TUT4: variants seen among roughly 807,000 people sequenced by gnomAD.
TUT4 encodes terminal uridylyltransferase 4.
Under a neutral mutation model 192.2 loss-of-function variants are expected in TUT4, and 36 were observed. The ratio of observed to expected loss-of-function variants is 0.19; its 90% CI spans 0.14 to 0.25. The LOEUF (loss-of-function observed/expected upper bound fraction) is 0.25. Among genes scored for constraint, TUT4 ranks in the 10% least tolerant of loss-of-function variants. TUT4 has a pLI of 1.00. For synonymous variants in TUT4, 618 were observed against 666.0 expected (o/e 0.93, Z 1.11); for missense variants, 1,493 against 1,957.2 (o/e 0.76, Z 4.47).
intron 1 of TUT4, among the ~76,000 whole-genome samples, chr1:52,527,987 G>C (rs139261024): frequency 0.033 from 5,026 of 151,894 alleles, 280 homozygotes; most frequent in African/African-American, 0.12. Context: ...GACCAGCCTG[G>C]CCAACATGGT....
At chr1:52,462,752 A>C in intron 16 of TUT4, 4 of 985,102 alleles carry the variant, frequency 4.1e-6, no homozygotes, top group Non-Finnish European at 4.8e-6. Context: ...TATTTCTCCA[A>C]GGAAATTCTT....
At chr1:52,547,519 T>C (rs1688384379) in intron 1 of TUT4, among the ~76,000 whole-genome samples, 1 of 152,080 alleles carries the variant, frequency 6.6e-6, no homozygotes, top group African/African-American at 2.4e-5. Flanking sequence ...GCAATTACAA[T>C]CTGGGTATAT....
rs1195840353 is a variant in TUT4, at chr1:52,431,245, C to A, written c.4479G>T (p.Leu1493Phe). 1.2e-6 allele frequency: 2 copies of A among 1,614,144 alleles called. No individual in the cohort carries two copies. Among genetic ancestry groups the A allele is most frequent in the Non-Finnish European group, 1.7e-6 (2 of 1,180,034 alleles). The change falls in exon 28 of 30, where the codon TTG becomes TTT. Residue 1493 changes from leucine (L) to phenylalanine (F), a missense_variant. Physicochemically the swap from Leu to Phe is conservative, Grantham distance 22. Coordinates refer to ENST00000257177, the MANE Select transcript of TUT4 (RefSeq NM_001009881.3). The stretch of plus-strand genomic sequence containing the variant: ...GGATCTGGAGAGGGTGCATTGGCAA[C>A]AATCCCATATTGTGCATGGGAGAAT... ...AQYSPMHNMG[L>F]LPMHPLQIPA... is the part of the protein sequence containing the mutation.
In TUT4 at chr1:52,481,431, G is replaced by A. The variant is rs1668458988; in HGVS notation, c.1840C>T (p.His614Tyr). 1.2e-6 allele frequency: 2 copies of A among 1,613,706 alleles called. No individual in the cohort carries two copies. Among genetic ancestry groups the A allele is most frequent in the South Asian group, 1.1e-5 (1 of 91,050 alleles). ...DNQSNAMKEK[H>Y]GKSPLALETP... ...AAAACAAAAAGGCTTACTTTGCCATGTTTTTCCTTCATGGCATTACTTTGG... is the reference window on the plus strand; with the variant it reads ...AAAACAAAAAGGCTTACTTTGCCATATTTTTCCTTCATGGCATTACTTTGG... Residue 614 changes from histidine to tyrosine, a missense_variant, in exon 11 of 30, where the codon CAT (histidine) becomes TAT (tyrosine). His to Tyr is a moderately conservative substitution (Grantham distance 83, BLOSUM62 2). Coordinates refer to ENST00000257177, the MANE Select transcript of TUT4 (RefSeq NM_001009881.3).
chr1:52,458,503 G>A, intron 19 of TUT4, 54 bp from the exon 20 acceptor site: 2 of 1,351,626 alleles, frequency 1.5e-6, no homozygotes, highest in South Asian at 1.2e-5. Flanking sequence ...CCATGCAGAA[G>A]TATATTAAAC....
At chr1:52,510,649 T>A (rs1676903328) in intron 3 of TUT4, among the ~76,000 whole-genome samples, 1 of 152,224 alleles carries the variant, frequency 6.6e-6, no homozygotes, top group Non-Finnish European at 1.5e-5. Context: ...CTCAAAATAC[T>A]AATAAAACTT....
chr1:52,511,247 T>C (rs1227179424), intron 3 of TUT4, among the ~76,000 whole-genome samples: 1 of 152,216 alleles, frequency 6.6e-6, no homozygotes, highest in Non-Finnish European at 1.5e-5. Flanking sequence ...ATAAGAAAAG[T>C]TGGCTCAATC....
chr1:52,497,139 G>A lies in TUT4; in HGVS notation c.1044C>T (p.Ser348=). Residue 348 remains serine (S), a synonymous_variant, in exon 5 of 30, where the codon TCC becomes TCT. Transcript: ENST00000257177. ...ESELRSLPPP[S]PAHLAALSVA... is the part of the protein sequence containing the mutation. Reference sequence around the variant, plus strand: ...CACTTAAAGCAGCCAAGTGGGCAGGGGAAGGAGGTGGCAGAGAACGAAGCT... The same window carrying A: ...CACTTAAAGCAGCCAAGTGGGCAGGAGAAGGAGGTGGCAGAGAACGAAGCT... 3 of 1,612,880 alleles carry A rather than the reference G, an allele frequency of 1.9e-6. No homozygotes were observed. The highest frequency in any genetic ancestry group is 2.2e-5 in the South Asian group (2 of 90,738).
chr1:52,528,657 T>G (rs1682515744), intron 1 of TUT4, among the ~76,000 whole-genome samples: 1 of 152,130 alleles, frequency 6.6e-6, no homozygotes, highest in African/African-American at 2.4e-5. Context: ...AATTAAAATG[T>G]ACCATCTTTG....
chr1:52,542,769 A>AT (rs763735144), intron 1 of TUT4, among the ~76,000 whole-genome samples: 66 of 148,844 alleles, frequency 4.4e-4, no homozygotes, highest in East Asian at 2.0e-3. Flanking sequence ...TTATTTATTT[A>AT]TTTTTTTTTG....
chr1:52,532,338 T>C (rs1683701130), intron 1 of TUT4, among the ~76,000 whole-genome samples: 1 of 152,016 alleles, frequency 6.6e-6, no homozygotes, highest in Non-Finnish European at 1.5e-5. Flanking sequence ...TTTAGCTTTT[T>C]TTTTTTATAC....
chr1:52,426,924 TTAATA>T (rs1206029276), intron 28 of TUT4, among the ~76,000 whole-genome samples: 2 of 152,146 alleles, frequency 1.3e-5, no homozygotes, highest in African/African-American at 4.8e-5. Context: ...GATTATTATT[TTAATA>T]TATTTCCATT....
At chr1:52,523,467 T>C (rs528937938) in intron 2 of TUT4, among the ~76,000 whole-genome samples, 255 of 152,170 alleles carry the variant, frequency 1.7e-3, no homozygotes, top group Non-Finnish European at 2.6e-3. Context: ...TAGCCAGGCA[T>C]GGTGGCGCAC....
chr1:52,477,947 T>C, intron 11 of TUT4, 65 bp from the exon 12 acceptor site: 10 of 1,421,624 alleles, frequency 7.0e-6, no homozygotes, highest in Non-Finnish European at 9.4e-6. Flanking sequence ...AAATTTTCAG[T>C]TAGAGAAGAC....
chr1:52,471,891 A>T, intron 14 of TUT4, 61 bp downstream of exon 14: 1 of 1,498,988 alleles, frequency 6.7e-7, no homozygotes, highest in Non-Finnish European at 9.0e-7. Context: ...AAATCAGAAA[A>T]TTAATATTTA....
At position 52,425,371 on chromosome 1, in the gene TUT4, G is replaced by A. The variant is rs1557608780; in HGVS notation, c.4848C>T (p.Pro1616=). 2 of 1,613,746 alleles carry A rather than the reference G, an allele frequency of 1.2e-6. No individual in the cohort carries two copies. Among genetic ancestry groups the A allele is most frequent in the East Asian group, 2.2e-5 (1 of 44,862 alleles). Residue 1616 remains proline (P), a synonymous_variant, in exon 29 of 30, where the codon CCC becomes CCT. Transcript: ENST00000257177. ...TACCTTGAGTATAGAAAGGTTTGTTGGGCTGGAATCGGGCATTTCCCTGAT... is the reference window on the plus strand; with the variant it reads ...TACCTTGAGTATAGAAAGGTTTGTTAGGCTGGAATCGGGCATTTCCCTGAT... ...FMHQGNARFQ[P]NKPFYTQDRC...
At chr1:52,541,447 G>A (rs111345109) in intron 1 of TUT4, among the ~76,000 whole-genome samples, 4,505 of 150,894 alleles carry the variant, frequency 0.03, 102 homozygotes, top group Non-Finnish European at 0.044. Context: ...CAGGAGAATC[G>A]CTTGAACCCA....
intron 1 of TUT4, among the ~76,000 whole-genome samples, chr1:52,526,660 T>C (rs1013841284): frequency 2.6e-5 from 4 of 152,166 alleles, no homozygotes; most frequent in African/African-American, 9.6e-5. Flanking sequence ...AGAATTTCAA[T>C]AGAAAACTAA....
At chr1:52,530,301 A>T (rs1240997009) in intron 1 of TUT4, among the ~76,000 whole-genome samples, 4 of 149,896 alleles carry the variant, frequency 2.7e-5, no homozygotes, top group Non-Finnish European at 5.9e-5. Context: ...AATATGTGTT[A>T]TGAAAAAGAC....
Sources: allele counts gnomAD v4.1 joint callset (sites outside exome capture counted in the v4.1 genomes callset), GRCh38; gene constraint gnomAD v4.1.1; transcripts MANE v1.5; gene names NCBI Gene and HGNC (gene_info 2026-07-23, HGNC 2026-07-21).